DTNB: variants seen among roughly 807,000 people sequenced by gnomAD.
DTNB encodes the protein dystrobrevin beta.
Under a neutral mutation model 90.7 loss-of-function variants are expected in DTNB, and 63 were observed. That is an observed-to-expected ratio of 0.69 (90% CI 0.57 to 0.86). DTNB has a LOEUF of 0.86. Ranked by LOEUF, DTNB falls within the 40% of genes least tolerant of loss-of-function variation. DTNB has a pLI of 0.00. For missense variants in DTNB, 744 were observed against 807.1 expected (o/e 0.92, Z 0.95); for synonymous variants, 277 against 286.7 (o/e 0.97, Z 0.34).
chr2:25,512,299 A>T (rs915499331), intron 9 of DTNB, among the ~76,000 whole-genome samples: 9 of 152,244 alleles, frequency 5.9e-5, no homozygotes, highest in African/African-American at 2.2e-4. Context: ...CAAATCAACA[A>T]GCAAGGTCCT....
chr2:25,494,874 G>C (rs2068448832), intron 9 of DTNB, among the ~76,000 whole-genome samples: 1 of 151,688 alleles, frequency 6.6e-6, no homozygotes, highest in Admixed American at 6.6e-5. Flanking sequence ...CGCTAGGAGG[G>C]GAACAGATCT....
intron 9 of DTNB, among the ~76,000 whole-genome samples, chr2:25,529,067 G>A (rs891720993): frequency 6.6e-6 from 1 of 152,100 alleles, no homozygotes; most frequent in Non-Finnish European, 1.5e-5. Flanking sequence ...AAAGAGCAAA[G>A]AGCTAATAAT....
intron 12 of DTNB, among the ~76,000 whole-genome samples, chr2:25,442,088 T>TAA (rs1207176379): frequency 6.6e-6 from 1 of 152,214 alleles, no homozygotes; most frequent in Non-Finnish European, 1.5e-5. Context: ...CAAGTTCGCC[T>TAA]AAAGTGTCAA....
intron 5 of DTNB, among the ~76,000 whole-genome samples, chr2:25,601,523 G>A (rs2065877674): frequency 6.6e-6 from 1 of 152,084 alleles, no homozygotes; most frequent in African/African-American, 2.4e-5. Flanking sequence ...ATTTTTTCCT[G>A]GTGATAATGA....
intron 8 of DTNB, among the ~76,000 whole-genome samples, chr2:25,552,324 C>T (rs992805316): frequency 1.3e-5 from 2 of 152,194 alleles, no homozygotes; most frequent in African/African-American, 4.8e-5. Flanking sequence ...CATTGAAAAG[C>T]TTTATAGCTA....
rs529237147 is a variant in DTNB at position 25,553,650 on chromosome 2, G to C, written c.877-22053C>G. Among the ~76,000 whole-genome samples the C allele has an allele frequency of 3.3e-4, 48 of 146,330 alleles. 1 individual carries two copies. In the South Asian group the frequency reaches 0.011, roughly 32 times the overall value. On this transcript the variant is annotated intron_variant, in intron 8 of 20. Transcript: ENST00000406818. ...AGCTACTCAGGAGGCTAAGGCAGGA[G>C]AATCACTTGAACCTGGGAGGCGGAG...
chr2:25,404,123 T>C (rs1225268841), intron 16 of DTNB, among the ~76,000 whole-genome samples: 1 of 152,206 alleles, frequency 6.6e-6, no homozygotes, highest in Non-Finnish European at 1.5e-5. Context: ...GTTGTTCTTC[T>C]ACTTTGAAAG....
intron 12 of DTNB, among the ~76,000 whole-genome samples, chr2:25,438,566 A>G (rs1367221090): frequency 6.6e-6 from 1 of 152,234 alleles, no homozygotes; most frequent in African/African-American, 2.4e-5. Flanking sequence ...ACTGTTCTAC[A>G]TTTACATAAA....
chr2:25,499,615 G>C (rs1218135289), intron 9 of DTNB, among the ~76,000 whole-genome samples: 1 of 152,080 alleles, frequency 6.6e-6, no homozygotes, highest in Non-Finnish European at 1.5e-5. Context: ...TAAATTAGAA[G>C]TCCCTGCTAT....
chr2:25,557,319 T>C (rs2057528904), intron 8 of DTNB, among the ~76,000 whole-genome samples: 1 of 152,100 alleles, frequency 6.6e-6, no homozygotes, highest in South Asian at 2.1e-4. Flanking sequence ...GGAACTGAGA[T>C]GTCACTGAAT....
intron 1 of DTNB, among the ~76,000 whole-genome samples, chr2:25,669,112 C>T (rs1316073418): frequency 6.6e-6 from 1 of 151,998 alleles, no homozygotes; most frequent in Non-Finnish European, 1.5e-5. Context: ...GGTTGCCAGG[C>T]GCTGAGGGAA....
At chr2:25,650,960 CAA>C (rs780874628) in intron 2 of DTNB, among the ~76,000 whole-genome samples, 2 of 119,740 alleles carry the variant, frequency 1.7e-5, no homozygotes, top group Admixed American at 8.3e-5. Flanking sequence ...GACTCCCTCT[CAA>C]AAAAAAAAAA....
intron 9 of DTNB, among the ~76,000 whole-genome samples, chr2:25,486,075 TCACGCC>T (rs1345362110): frequency 1.3e-5 from 2 of 150,098 alleles, no homozygotes; most frequent in Non-Finnish European, 3.0e-5. Flanking sequence ...TGAGCCAAGA[TCACGCC>T]ACTGCACTCT....
At chr2:25,490,194 T>G (rs1433701314) in intron 9 of DTNB, among the ~76,000 whole-genome samples, 1 of 151,976 alleles carries the variant, frequency 6.6e-6, no homozygotes, top group Non-Finnish European at 1.5e-5. Context: ...GAGGACTGCT[T>G]GAGCCTAGGA....
intron 2 of DTNB, chr2:25,649,895 G>T: frequency 2.5e-6 from 1 of 401,750 alleles, no homozygotes; most frequent in Non-Finnish European, 3.4e-6. Flanking sequence ...ATAGAAAGTA[G>T]TTATGCTGGA....
intron 10 of DTNB, among the ~76,000 whole-genome samples, chr2:25,469,015 T>C (rs1162152026): frequency 6.6e-6 from 1 of 151,728 alleles, no homozygotes; most frequent in African/African-American, 2.4e-5. Context: ...CAGATCTACA[T>C]CAGTACTGGA....
chr2:25,403,328 G>T (rs771730750), intron 16 of DTNB, among the ~76,000 whole-genome samples: 1 of 152,076 alleles, frequency 6.6e-6, no homozygotes, highest in Non-Finnish European at 1.5e-5. Context: ...GTTGGCCAGG[G>T]TGGTCTCGAA....
Position 25,424,584 on chromosome 2 carries a change from G to A in DTNB, c.1554+2951C>T, listed in dbSNP as rs2050880852. Among the ~76,000 whole-genome samples, 1 of 152,090 alleles carries A rather than the reference G, an allele frequency of 6.6e-6. No individual in the cohort carries two copies. Among genetic ancestry groups the A allele is most frequent in the African/African-American group, 2.4e-5 (1 of 41,410 alleles). On this transcript the variant is annotated intron_variant, in intron 15 of 20. Coordinates refer to ENST00000406818, the MANE Select transcript of DTNB (RefSeq NM_021907.5). This position sits in a 1 kb window ranked among gnomAD's most constrained non-coding sequence, Gnocchi z 4.1. ...TACAAAAATCACACTGGGGCACTGGGACTTTCCCATCTATGCTTGGGTAAT... is the reference window on the plus strand; with the variant it reads ...TACAAAAATCACACTGGGGCACTGGAACTTTCCCATCTATGCTTGGGTAAT...
chr2:25,513,616 G>T (rs1482638395), intron 9 of DTNB, among the ~76,000 whole-genome samples: 5 of 151,970 alleles, frequency 3.3e-5, no homozygotes, highest in Non-Finnish European at 5.9e-5. Context: ...CTAGCTACTT[G>T]GAAGGCTGAG....
Sources: allele counts gnomAD v4.1 joint callset (sites outside exome capture counted in the v4.1 genomes callset), GRCh38; gene constraint gnomAD v4.1.1; non-coding constraint Gnocchi (gnomAD v3.1); transcripts MANE v1.5; gene names NCBI Gene and HGNC (gene_info 2026-07-23, HGNC 2026-07-21).